The following MAP3K21 variants were observed in gnomAD, a reference collection of about 807,000 sequenced individuals.
The protein encoded by MAP3K21 is mitogen-activated protein kinase kinase kinase 21, also known as mitogen-activated protein kinase kinase kinase MLK4.
In MAP3K21, 63 loss-of-function variants were observed where a neutral mutation model predicts 86.1. The observed-to-expected ratio is 0.73, with a 90% CI of 0.60 to 0.90. The LOEUF (loss-of-function observed/expected upper bound fraction) is 0.90. Among genes scored for constraint, MAP3K21 ranks in the 40% least tolerant of loss-of-function variants. The pLI, the probability that MAP3K21 is intolerant of heterozygous loss-of-function variation, is 0.00. For missense variants in MAP3K21, 1,220 were observed against 1,367.7 expected, an observed-to-expected ratio of 0.89 and a Z score of 1.70; for synonymous variants, 558 against 564.8, an observed-to-expected ratio of 0.99 and a Z score of 0.17.
At chr1:233,377,171 T>C (rs926020227) in intron 8 of MAP3K21, among the ~76,000 whole-genome samples, 3 of 152,208 alleles carry the variant, frequency 2.0e-5, no homozygotes, top group African/African-American at 7.2e-5. Context: ...TTCTATTTAA[T>C]TTAAATGAAT....
At chr1:233,334,802 A>G (rs1038982062) in intron 1 of MAP3K21, among the ~76,000 whole-genome samples, 4 of 152,206 alleles carry the variant, frequency 2.6e-5, no homozygotes, top group Non-Finnish European at 5.9e-5. Flanking sequence ...TGACTGTACT[A>G]TCATAGATTG....
At chr1:233,355,378 T>C (rs1003392442) in intron 4 of MAP3K21, among the ~76,000 whole-genome samples, 4 of 152,220 alleles carry the variant, frequency 2.6e-5, no homozygotes, top group Non-Finnish European at 4.4e-5. Flanking sequence ...ACAAAGTATG[T>C]CATAGGCATT....
intron 8 of MAP3K21, among the ~76,000 whole-genome samples, chr1:233,377,496 C>T (rs1389972873): frequency 6.6e-6 from 1 of 152,150 alleles, no homozygotes; most frequent in African/African-American, 2.4e-5. Context: ...GAGCTTGGGT[C>T]AGCAACGTCA....
chr1:233,338,349 G>A (rs188138986), intron 1 of MAP3K21, among the ~76,000 whole-genome samples: 19 of 152,264 alleles, frequency 1.2e-4, no homozygotes, highest in African/African-American at 4.3e-4. Context: ...TCTCCTAGGC[G>A]CTTGGTATTG....
At chr1:233,334,082 G>A (rs1242051589) in intron 1 of MAP3K21, among the ~76,000 whole-genome samples, 1 of 151,922 alleles carries the variant, frequency 6.6e-6, no homozygotes, top group Non-Finnish European at 1.5e-5. Flanking sequence ...AGCCAGGATG[G>A]TCTTGATCTC....
chr1:233,357,478 G>T (rs929614361), intron 4 of MAP3K21, among the ~76,000 whole-genome samples: 2 of 152,060 alleles, frequency 1.3e-5, no homozygotes, highest in African/African-American at 2.4e-5. Flanking sequence ...CTGTCCCTTA[G>T]ATTTTTCAGT....
rs373706744 is a variant in MAP3K21, at chr1:233,379,629, G to A, written c.2623G>A (p.Gly875Arg). 1.4e-4 allele frequency: 223 copies of A among 1,613,648 alleles called. No individual in the cohort carries two copies. The highest frequency in any genetic ancestry group is 1.8e-4 in the Non-Finnish European group (218 of 1,179,742). The change falls in exon 9 of 10, where the codon GGG (glycine) becomes AGG (arginine). Residue 875 changes from glycine to arginine, a missense_variant. Physicochemically the swap from Gly to Arg is moderately radical, Grantham distance 125. Coordinates refer to ENST00000366624, the MANE Select transcript of MAP3K21 (RefSeq NM_032435.3). ...GTCTTCCTTCCTACAGCAGACATGT[G>A]GGAATGTACCTTACTGTGCTTCTTC... ...LPSSFLQQTCGNVPYCASSKH... is the reference protein window; with the variant it reads ...LPSSFLQQTCRNVPYCASSKH...
chr1:233,372,047 A>G lies in MAP3K21; in HGVS notation c.1562A>G (p.His521Arg). 1 of 1,611,788 alleles carries G rather than the reference A, an allele frequency of 6.2e-7. No individual in the cohort carries two copies. Among genetic ancestry groups the G allele is most frequent in the Non-Finnish European group, 8.5e-7 (1 of 1,179,178 alleles). Residue 521 changes from histidine to arginine, a missense_variant, in exon 6 of 10, where the codon CAC becomes CGC. Coordinates refer to ENST00000366624, the MANE Select transcript of MAP3K21 (RefSeq NM_032435.3). ...HRISLPSDFQ[H>R]KITVQASPNL... ...TTTTTGCCTCCAACAGATTTCCAGC[A>G]CAAGATAACCGTGCAGGCCTCTCCC... is the stretch of plus-strand genomic sequence containing the variant.
Position 233,382,502 on chromosome 1 carries a change from C to G in MAP3K21, c.2902C>G (p.Leu968Val), listed in dbSNP as rs764698216. 2 of 1,614,050 alleles carry G rather than the reference C, an allele frequency of 1.2e-6. No individual in the cohort carries two copies. Among genetic ancestry groups the G allele is most frequent in the Non-Finnish European group, 1.7e-6 (2 of 1,180,042 alleles). The change falls in exon 10 of 10, where the codon CTG (leucine) becomes GTG (valine). Residue 968 changes from leucine (L) to valine (V), a missense_variant. Around this residue, in one of 5 missense-constraint regions of MAP3K21, gnomAD observed 632 missense variants for 691.3 expected, o/e 0.91. Transcript: ENST00000366624. ...TTACCCACAGACAGCAGTGTCTCAG[C>G]TGGCACAGACTGCCTGTGTAGTGGG... ...QAYPQTAVSQ[L>V]AQTACVVGRP...
intron 1 of MAP3K21, among the ~76,000 whole-genome samples, chr1:233,333,103 G>A (rs574724214): frequency 7.4e-4 from 112 of 152,198 alleles, no homozygotes; most frequent in African/African-American, 2.6e-3. Context: ...CATTAGTACT[G>A]TGTAAATAAA....
intron 1 of MAP3K21, among the ~76,000 whole-genome samples, chr1:233,339,267 C>G (rs1349179588): frequency 1.7e-3 from 43 of 25,170 alleles, no homozygotes; most frequent in South Asian, 3.8e-3. Context: ...TCTTCTTCTT[C>G]CTCTTCTTCT....
chr1:233,370,182 A>G (rs1201886674), intron 5 of MAP3K21, among the ~76,000 whole-genome samples: 2 of 152,274 alleles, frequency 1.3e-5, no homozygotes, highest in Middle Eastern at 6.8e-3. Flanking sequence ...TTTATTGAGC[A>G]TTTATTATGT....
intron 3 of MAP3K21, among the ~76,000 whole-genome samples, chr1:233,354,233 A>G (rs888656260): frequency 1.2e-4 from 18 of 152,208 alleles, no homozygotes; most frequent in Admixed American, 1.3e-4. Flanking sequence ...GTACATGAGT[A>G]GAGTTCAAAT....
Position 233,328,599 on chromosome 1 carries a change from C to A in MAP3K21, c.571C>A (p.Leu191Met). The change falls in exon 1 of 10, where the codon CTG (leucine) becomes ATG (methionine). Residue 191 changes from leucine (L) to methionine (M), a missense_variant. Physicochemically the swap from Leu to Met is conservative, Grantham distance 15. This residue lies in a region of MAP3K21 where 369 missense variants were observed against 385.3 expected (regional missense o/e 0.96). Transcript: ENST00000366624. This position sits in a 1 kb window ranked among gnomAD's most constrained non-coding sequence, Gnocchi z 8.7. ...CATCATCGAGCTGCGCGGCGTGTGC[C>A]TGCAGCAGCCGCACCTCTGCCTGGT... ...PNIIELRGVC[L>M]QQPHLCLVLE... 1 of 1,509,762 alleles carries A rather than the reference C, an allele frequency of 6.6e-7. No homozygotes were observed. Among genetic ancestry groups the A allele is most frequent in the East Asian group, 2.8e-5 (1 of 35,156 alleles). The allele number at this position is 1,509,762 out of a possible 1,614,324, so 93.5% of individuals were successfully genotyped here.
intron 9 of MAP3K21, among the ~76,000 whole-genome samples, chr1:233,381,597 G>C (rs1269550378): frequency 1.3e-5 from 2 of 151,238 alleles, no homozygotes; most frequent in Non-Finnish European, 3.0e-5. Context: ...CTATATTATT[G>C]TTCATTGCCT....
chr1:233,342,749 G>A (rs1442914386), intron 1 of MAP3K21, among the ~76,000 whole-genome samples: 2 of 152,080 alleles, frequency 1.3e-5, no homozygotes, highest in Non-Finnish European at 2.9e-5. Context: ...AGAATGAAAG[G>A]TTATTTCAAA....
intron 1 of MAP3K21, among the ~76,000 whole-genome samples, chr1:233,333,536 C>T (rs1662851670): frequency 6.6e-6 from 1 of 151,714 alleles, no homozygotes; most frequent in Non-Finnish European, 1.5e-5. Flanking sequence ...ATCGCTTGAG[C>T]CCAGGAGTTT....
intron 7 of MAP3K21, 93 bp from the exon 8 acceptor site, chr1:233,376,337 T>C: frequency 1.1e-6 from 1 of 917,992 alleles, no homozygotes; most frequent in Non-Finnish European, 1.7e-6. Context: ...TTCTCTTTAC[T>C]ACCTTAAAAA....
intron 2 of MAP3K21, 87 bp from the exon 3 acceptor site, chr1:233,353,720 A>G: frequency 1.6e-6 from 2 of 1,234,202 alleles, no homozygotes; most frequent in African/African-American, 1.5e-5. Context: ...GAATGGATGA[A>G]GGTACTGAAG....
Sources: allele counts gnomAD v4.1 joint callset (sites outside exome capture counted in the v4.1 genomes callset), GRCh38; gene constraint gnomAD v4.1.1; regional missense constraint gnomAD v4.1.1; non-coding constraint Gnocchi (gnomAD v3.1); transcripts MANE v1.5; gene names NCBI Gene and HGNC (gene_info 2026-07-23, HGNC 2026-07-21).